Variants in SUPT3H observed in about 807,000 individuals in gnomAD.
SUPT3H encodes the protein SPT3 homolog, SAGA and STAGA complex component.
Under a neutral mutation model 44.3 loss-of-function variants are expected in SUPT3H, and 44 were observed. That is an observed-to-expected ratio of 0.99 (90% confidence interval 0.78 to 1.28). SUPT3H has a LOEUF of 1.28. Ranked by LOEUF, SUPT3H falls within the 50% of genes most tolerant of loss-of-function variation. The pLI is 0.00. For missense variants in SUPT3H, 380 were observed against 387.1 expected (o/e 0.98, Z 0.15); for synonymous variants, 124 against 125.6 (o/e 0.99, Z 0.09).
intron 6 of SUPT3H, among the ~76,000 whole-genome samples, chr6:44,974,523 G>T (rs4711808): frequency 0.98 from 149,199 of 152,298 alleles, 73,092 homozygotes; most frequent in Middle Eastern, 1. Flanking sequence ...ACACATTGCC[G>T]TCCCTTCAAG....
chr6:45,363,971 C>T (rs938768966), intron 2 of SUPT3H, among the ~76,000 whole-genome samples: 4 of 151,678 alleles, frequency 2.6e-5, no homozygotes, highest in South Asian at 4.2e-4. Context: ...AAAAATTAGC[C>T]GGGTGTGGTG....
intron 2 of SUPT3H, among the ~76,000 whole-genome samples, chr6:45,240,413 A>C (rs1770072757): frequency 6.6e-6 from 1 of 152,230 alleles, no homozygotes; most frequent in Middle Eastern, 3.2e-3. Context: ...TTGGCTGGCA[A>C]TAATGCCTGG....
At chr6:44,902,985 G>A (rs557914358) in intron 10 of SUPT3H, among the ~76,000 whole-genome samples, 1 of 152,118 alleles carries the variant, frequency 6.6e-6, no homozygotes. Flanking sequence ...AAACCAACGA[G>A]AACAAAGACA....
At chr6:44,862,452 G>A (rs369410395) in intron 10 of SUPT3H, among the ~76,000 whole-genome samples, 3 of 151,834 alleles carry the variant, frequency 2.0e-5, no homozygotes, top group Admixed American at 1.3e-4. Flanking sequence ...CGAGGTGAGC[G>A]GATCACCTGT....
At chr6:45,201,065 T>C (rs1439755717) in intron 2 of SUPT3H, among the ~76,000 whole-genome samples, 1 of 151,686 alleles carries the variant, frequency 6.6e-6, no homozygotes, top group East Asian at 1.9e-4. Flanking sequence ...AAAAATATTT[T>C]CTGATGATTA....
chr6:44,896,599 C>A (rs1238963489), intron 10 of SUPT3H, among the ~76,000 whole-genome samples: 1 of 152,134 alleles, frequency 6.6e-6, no homozygotes, highest in Non-Finnish European at 1.5e-5. Flanking sequence ...AGAGGCATCA[C>A]AACAAAATTG....
chr6:45,030,784 T>C (rs1315457017), intron 3 of SUPT3H, among the ~76,000 whole-genome samples: 1 of 152,202 alleles, frequency 6.6e-6, no homozygotes, highest in African/African-American at 2.4e-5. Flanking sequence ...AAAGCAACTT[T>C]ATAATTTTGT....
intron 10 of SUPT3H, among the ~76,000 whole-genome samples, chr6:44,930,013 C>T (rs1357411973): frequency 1.3e-5 from 2 of 151,750 alleles, no homozygotes; most frequent in African/African-American, 4.8e-5. Context: ...TTTGCGAGGC[C>T]GAGGTGGGTG....
chr6:45,274,915 A>G (rs1457586749), intron 2 of SUPT3H, among the ~76,000 whole-genome samples: 1 of 152,114 alleles, frequency 6.6e-6, no homozygotes, highest in East Asian at 1.9e-4. Flanking sequence ...GTCAAGTATT[A>G]ATTTTTGTAT....
intron 2 of SUPT3H, among the ~76,000 whole-genome samples, chr6:45,286,218 A>G (rs1008287984): frequency 5.3e-5 from 8 of 152,048 alleles, no homozygotes; most frequent in African/African-American, 1.9e-4. Context: ...ACCAAAAGCA[A>G]TGGCAACAGA....
At chr6:44,904,870 T>C (rs924467619) in intron 10 of SUPT3H, among the ~76,000 whole-genome samples, 1 of 152,078 alleles carries the variant, frequency 6.6e-6, no homozygotes, top group African/African-American at 2.4e-5. Flanking sequence ...ATGCCACATA[T>C]CTACAACCAT....
At position 44,909,040 on chromosome 6, in the gene SUPT3H, C is replaced by A. The variant is rs138171178; in HGVS notation, c.912+23613G>T. Among the ~76,000 whole-genome samples, 993 of 151,990 alleles carry A rather than the reference C, an allele frequency of 6.5e-3. 13 individuals carry two copies. The highest frequency in any genetic ancestry group is 0.023 in the African/African-American group (938 of 41,430). Reference sequence around the variant, plus strand: ...GTATATACTAGCATATATATGTATACACATATAGCTATAAAAATATATCTT... The same window carrying A: ...GTATATACTAGCATATATATGTATAAACATATAGCTATAAAAATATATCTT... On this transcript the variant is annotated intron_variant, in intron 10 of 10. Coordinates refer to ENST00000371459, the MANE Select transcript of SUPT3H (RefSeq NM_003599.4).
rs146620980 is a variant in SUPT3H, at chr6:45,365,277, T to C, written c.25A>G (p.Met9Val). 1.1e-4 allele frequency: 170 copies of C among 1,611,368 alleles called. No individual in the cohort carries two copies. The highest frequency in any genetic ancestry group is 6.6e-4 in the Middle Eastern group (4 of 6,068). The stretch of plus-strand genomic sequence containing the variant: ...CCACTACTTGAAGTTGCAGTAGACA[T>C]TGGACTAGCTGCCGTATTATTCATC... MNNTAASP[M>V]STATSSSGRS... Residue 9 changes from methionine (M) to valine (V), a missense_variant, in exon 2 of 11, where the codon ATG becomes GTG. Transcript: ENST00000371459.
intron 9 of SUPT3H, among the ~76,000 whole-genome samples, chr6:44,933,092 A>AT (rs869258974): frequency 1.3e-5 from 2 of 151,860 alleles, no homozygotes; most frequent in East Asian, 1.9e-4. Context: ...ACAGGAAGTT[A>AT]TTTTTTTAAA....
intron 2 of SUPT3H, among the ~76,000 whole-genome samples, chr6:45,159,694 C>T (rs914359676): frequency 9.2e-5 from 14 of 152,278 alleles, no homozygotes; most frequent in African/African-American, 3.4e-4. Flanking sequence ...AAATTCCTTT[C>T]TTTGTTTAGC....
At chr6:45,084,564 C>T (rs1796246971) in intron 3 of SUPT3H, among the ~76,000 whole-genome samples, 1 of 152,100 alleles carries the variant, frequency 6.6e-6, no homozygotes, top group African/African-American at 2.4e-5. Flanking sequence ...GGAGATTTCA[C>T]AAAGAACTTA....
At chr6:45,242,625 T>C (rs903092653) in intron 2 of SUPT3H, among the ~76,000 whole-genome samples, 4 of 152,148 alleles carry the variant, frequency 2.6e-5, no homozygotes, top group African/African-American at 9.7e-5. Context: ...AAGTATTCCA[T>C]ACTAATTCTA....
At chr6:44,866,256 T>C (rs1218631073) in intron 10 of SUPT3H, among the ~76,000 whole-genome samples, 2 of 151,962 alleles carry the variant, frequency 1.3e-5, no homozygotes, top group Non-Finnish European at 2.9e-5. Flanking sequence ...ACTCCATGAC[T>C]TGAGGGGGAG....
At chr6:44,856,427 T>G (rs1279318716) in intron 10 of SUPT3H, among the ~76,000 whole-genome samples, 3 of 152,224 alleles carry the variant, frequency 2.0e-5, no homozygotes, top group African/African-American at 7.2e-5. Flanking sequence ...ACATGGTTTC[T>G]TCAATGCTAG....
Sources: allele counts gnomAD v4.1 joint callset (sites outside exome capture counted in the v4.1 genomes callset), GRCh38; gene constraint gnomAD v4.1.1; transcripts MANE v1.5; gene names NCBI Gene and HGNC (gene_info 2026-07-23, HGNC 2026-07-21).